SLIT3: variants seen among roughly 807,000 people sequenced by gnomAD.
SLIT3 encodes slit guidance ligand 3, also known as slit homolog 3 protein.
SLIT3 carries 68 observed loss-of-function variants against 184.0 expected under a neutral mutation model. That is an observed-to-expected ratio of 0.37 (90% CI 0.30 to 0.45). The LOEUF (loss-of-function observed/expected upper bound fraction) is 0.45. Among genes scored for constraint, SLIT3 ranks in the 20% least tolerant of loss-of-function variants. SLIT3 has a pLI of 1.00. For synonymous variants in SLIT3, 831 were observed against 828.6 expected (o/e 1.00, Z -0.05); for missense variants, 1,707 against 2,026.0 (o/e 0.84, Z 3.02).
At position 168,833,701 on chromosome 5, in the gene SLIT3, A is replaced by G. The variant is rs151203940; in HGVS notation, c.558-10370T>C. On this transcript the variant is annotated intron_variant, in intron 6 of 35. Coordinates refer to ENST00000519560, the MANE Select transcript of SLIT3 (RefSeq NM_003062.4). Reference sequence around the variant, plus strand: ...ACTATTGTTTCCTGTCTGCTAATATAGGGGCAAGCAGACAGCAATAAAGAG... The same window carrying G: ...ACTATTGTTTCCTGTCTGCTAATATGGGGGCAAGCAGACAGCAATAAAGAG... Among the ~76,000 whole-genome samples, 7 of 152,352 alleles carry G rather than the reference A, an allele frequency of 4.6e-5. 1 individual carries two copies. The highest frequency in any genetic ancestry group is 1.0e-4 in the Non-Finnish European group (7 of 68,044).
chr5:169,204,783 A>G (rs958525874), intron 3 of SLIT3, among the ~76,000 whole-genome samples: 3 of 152,078 alleles, frequency 2.0e-5, no homozygotes, highest in Non-Finnish European at 4.4e-5. Context: ...GAGGCCAGGG[A>G]GAGATGAGGA....
chr5:169,059,967 G>A (rs575898616), intron 4 of SLIT3, among the ~76,000 whole-genome samples: 1 of 152,380 alleles, frequency 6.6e-6, no homozygotes, highest in East Asian at 1.9e-4. Flanking sequence ...AGACCCTAGA[G>A]AGCTCTTTCA....
intron 32 of SLIT3, among the ~76,000 whole-genome samples, chr5:168,677,365 C>T (rs1434675928): frequency 6.6e-6 from 1 of 152,188 alleles, no homozygotes; most frequent in East Asian, 1.9e-4. Context: ...CAGCCTTGAA[C>T]TCCTGGGCTC....
chr5:168,728,296 A>ATG (rs1561897494), intron 20 of SLIT3, among the ~76,000 whole-genome samples: 1 of 150,466 alleles, frequency 6.6e-6, no homozygotes, highest in African/African-American at 2.4e-5. Context: ...ATATATATAT[A>ATG]TATATCCTCA....
At chr5:169,105,649 G>C (rs1032243755) in intron 4 of SLIT3, among the ~76,000 whole-genome samples, 1 of 152,206 alleles carries the variant, frequency 6.6e-6, no homozygotes, top group Non-Finnish European at 1.5e-5. Flanking sequence ...CAAGTAGAAA[G>C]ATCAAGATTC....
Position 168,795,439 on chromosome 5 carries a change from A to G in SLIT3, c.1007+68T>C, listed in dbSNP as rs1270559880. The stretch of plus-strand genomic sequence containing the variant: ...GGTCCGTCACCTGGACAGGTTGCCC[A>G]CTACACATTGCAAACAACCCTGGAA... On this transcript the variant is annotated intron_variant, in intron 10 of 35. Coordinates refer to ENST00000519560, the MANE Select transcript of SLIT3 (RefSeq NM_003062.4). 9.8e-6 allele frequency: 12 copies of G among 1,222,276 alleles called. No individual in the cohort carries two copies. In the East Asian group the frequency reaches 2.1e-4, roughly 21 times the overall value. The allele number at this position is 1,222,276 out of a possible 1,614,324, so 75.7% of individuals were successfully genotyped here.
At chr5:168,907,285 G>A (rs193124272) in intron 4 of SLIT3, among the ~76,000 whole-genome samples, 237 of 152,256 alleles carry the variant, frequency 1.6e-3, no homozygotes, top group Admixed American at 3.7e-3. Flanking sequence ...AGCTTGGAGG[G>A]GTAGTCTCAG....
intron 1 of SLIT3, among the ~76,000 whole-genome samples, chr5:169,297,700 A>G (rs1376096840): frequency 5.3e-5 from 8 of 152,218 alleles, no homozygotes. Flanking sequence ...CACCAAAGCA[A>G]GTTTCCTTCT....
At chr5:169,295,159 T>G (rs1037597050) in intron 1 of SLIT3, among the ~76,000 whole-genome samples, 1 of 152,236 alleles carries the variant, frequency 6.6e-6, no homozygotes, top group African/African-American at 2.4e-5. Context: ...AAAGCTACGA[T>G]GTCACTAGGC....
intron 12 of SLIT3, among the ~76,000 whole-genome samples, chr5:168,783,969 A>G (rs981243822): frequency 6.6e-6 from 1 of 152,154 alleles, no homozygotes; most frequent in African/African-American, 2.4e-5. Context: ...TGTTGGTTCT[A>G]TTAACCTCAT....
At chr5:168,752,089 C>G (rs551125378) in intron 18 of SLIT3, among the ~76,000 whole-genome samples, 1 of 152,170 alleles carries the variant, frequency 6.6e-6, no homozygotes, top group East Asian at 1.9e-4. Context: ...TACTTAAGGT[C>G]TACTTAAAGG....
intron 1 of SLIT3, among the ~76,000 whole-genome samples, chr5:169,258,319 C>G (rs572532841): frequency 1.3e-5 from 2 of 152,130 alleles, no homozygotes; most frequent in Non-Finnish European, 2.9e-5. Flanking sequence ...AATGCACAAA[C>G]AAACATAATA....
At chr5:168,913,615 G>A (rs1047991122) in intron 4 of SLIT3, among the ~76,000 whole-genome samples, 5 of 151,776 alleles carry the variant, frequency 3.3e-5, no homozygotes, top group South Asian at 2.1e-4. Context: ...AGTGGCAGGC[G>A]CCTGTAATCC....
intron 4 of SLIT3, among the ~76,000 whole-genome samples, chr5:169,076,836 A>G (rs1758761837): frequency 6.6e-6 from 1 of 152,196 alleles, no homozygotes; most frequent in Non-Finnish European, 1.5e-5. Flanking sequence ...CAGTCAATCA[A>G]GTGCTACTCA....
intron 4 of SLIT3, among the ~76,000 whole-genome samples, chr5:169,181,600 G>T (rs1452384224): frequency 6.6e-6 from 1 of 151,990 alleles, no homozygotes; most frequent in Non-Finnish European, 1.5e-5. Context: ...AATTAGCTGG[G>T]TGTGGTGGCG....
At chr5:169,140,844 CT>C (rs1761708091) in intron 4 of SLIT3, among the ~76,000 whole-genome samples, 1 of 152,138 alleles carries the variant, frequency 6.6e-6, no homozygotes, top group Admixed American at 6.5e-5. Context: ...AACCATACCC[CT>C]CTCCCATTCA....
chr5:169,005,410 T>C lies in SLIT3; in HGVS notation c.414-122074A>G, dbSNP rs1362333231. Among the ~76,000 whole-genome samples the C allele has an allele frequency of 2.0e-5, 3 of 152,188 alleles. No individual in the cohort carries two copies. In the East Asian group the frequency reaches 5.8e-4, roughly 29 times the overall value. On this transcript the variant is annotated intron_variant, in intron 4 of 35. Transcript: ENST00000519560. ...CTACAAACACTTGAGAGATGATGCATGTAACATGTATAGGAGAGTTCCTGG... is the reference window on the plus strand; with the variant it reads ...CTACAAACACTTGAGAGATGATGCACGTAACATGTATAGGAGAGTTCCTGG...
At chr5:169,047,146 C>A (rs1438306806) in intron 4 of SLIT3, among the ~76,000 whole-genome samples, 2 of 152,138 alleles carry the variant, frequency 1.3e-5, no homozygotes, top group Non-Finnish European at 2.9e-5. Context: ...CTGCAGACGC[C>A]CCCAACTCAA....
chr5:169,070,951 T>C (rs1380203396), intron 4 of SLIT3, among the ~76,000 whole-genome samples: 1 of 152,144 alleles, frequency 6.6e-6, no homozygotes, highest in African/African-American at 2.4e-5. Context: ...GAAGCATCCA[T>C]AGAGGTTAGC....
Sources: allele counts gnomAD v4.1 joint callset (sites outside exome capture counted in the v4.1 genomes callset), GRCh38; gene constraint gnomAD v4.1.1; transcripts MANE v1.5; gene names NCBI Gene and HGNC (gene_info 2026-07-23, HGNC 2026-07-21).